Variants in NOC4L observed in about 807,000 individuals in gnomAD.
NOC4L encodes nucleolar complex associated 4 homolog.
NOC4L carries 40 observed loss-of-function variants against 62.8 expected under a neutral mutation model. The ratio of observed to expected loss-of-function variants is 0.64; its 90% CI spans 0.49 to 0.83. NOC4L has a LOEUF of 0.83. NOC4L is among the 40% of genes least tolerant of loss of function. The pLI is 0.00. For missense variants in NOC4L, 927 were observed against 701.9 expected, an observed-to-expected ratio of 1.32 and a Z score of -3.62; for synonymous variants, 433 against 299.8, an observed-to-expected ratio of 1.44 and a Z score of -4.59.
At position 132,151,762 on chromosome 12, in the gene NOC4L, C is replaced by T; in HGVS notation, c.1259C>T (p.Pro420Leu). Residue 420 changes from proline (P) to leucine (L), a missense_variant, in exon 13 of 15, where the codon CCT becomes CTT. Physicochemically the swap from Pro to Leu is moderately conservative, Grantham distance 98. Coordinates refer to ENST00000330579, the MANE Select transcript of NOC4L (RefSeq NM_024078.3). ...GAGTTGGACGCCGACCCCTACGACC[C>T]TGGAGAGGAGGACCCAGCCCAGAGC... ...GPELDADPYDPGEEDPAQSRA... is the reference protein window; with the variant it reads ...GPELDADPYDLGEEDPAQSRA... 8 of 1,612,394 alleles carry T rather than the reference C, an allele frequency of 5.0e-6. No individual in the cohort carries two copies. Among genetic ancestry groups the T allele is most frequent in the Non-Finnish European group, 6.8e-6 (8 of 1,179,816 alleles).
At chr12:132,151,083 C>G (rs1214810412) in intron 10 of NOC4L, 42 bp downstream of exon 10, 5 of 1,562,182 alleles carry the variant, frequency 3.2e-6, no homozygotes, top group Non-Finnish European at 4.4e-6. Context: ...CCAGTCTGCC[C>G]AGCCCTGCTC....
At chr12:132,151,108 C>T in intron 10 of NOC4L, 67 bp downstream of exon 10, 13 of 1,494,726 alleles carry the variant, frequency 8.7e-6, no homozygotes, top group Non-Finnish European at 1.2e-5. Flanking sequence ...GTCCCCTTCC[C>T]ACCCTGCCCC....
At chr12:132,146,434 G>A (rs773414801) in intron 3 of NOC4L, 28 of 440,260 alleles carry the variant, frequency 6.4e-5, no homozygotes, top group Non-Finnish European at 1.0e-4. Flanking sequence ...GAACGTTCGC[G>A]TACAAACTCT....
In NOC4L at chr12:132,150,975, C is replaced by T. The variant is rs568869266; in HGVS notation, c.902-6C>T. ...GCAGCTCCAGCCTGTGTCTGTCTGT[C>T]TGCAGGGGGGGCCCTCAGCCTCTTG... On this transcript the variant is annotated splice_region_variant and splice_polypyrimidine_tract_variant and intron_variant, in intron 9 of 14. Coordinates refer to ENST00000330579, the MANE Select transcript of NOC4L (RefSeq NM_024078.3). 1.9e-6 allele frequency: 3 copies of T among 1,603,712 alleles called. No homozygotes were observed. The highest frequency in any genetic ancestry group is 2.7e-5 in the African/African-American group (2 of 74,880).
At position 132,147,681 on chromosome 12, in the gene NOC4L, C is replaced by T. The variant is rs748054380; in HGVS notation, c.502C>T (p.Leu168=). ...LSPEEDQSLL[L]SQFREYLDYD... ...TCCTGAGGAGGACCAGAGCCTGCTC[C>T]TGTCCCAGTTCCGGGAGTACCTGGA... The change falls in exon 5 of 15, where the codon CTG becomes TTG. Residue 168 remains leucine, a synonymous_variant. Coordinates refer to ENST00000330579, the MANE Select transcript of NOC4L (RefSeq NM_024078.3). 11 of 1,612,820 alleles carry T rather than the reference C, an allele frequency of 6.8e-6. No homozygotes were observed. The highest frequency in any genetic ancestry group is 8.5e-6 in the Non-Finnish European group (10 of 1,179,954).
Position 132,147,382 on chromosome 12 carries a change from C to T in NOC4L, c.447C>T (p.Leu149=), listed in dbSNP as rs761502772. ...WEGNYLFPRE[L]FKLVVGGLLS... ...GCAACTACCTGTTCCCCCGAGAGCT[C>T]TTCAAGGTGAGGGCCTTGCTGGGGA... The change falls in exon 4 of 15, where the codon CTC becomes CTT. Residue 149 remains leucine (L), a synonymous_variant. Transcript: ENST00000330579. 7.6e-6 allele frequency: 12 copies of T among 1,588,242 alleles called. No individual in the cohort carries two copies. The highest frequency in any genetic ancestry group is 9.4e-6 in the Non-Finnish European group (11 of 1,166,638).
intron 10 of NOC4L, 69 bp downstream of exon 10, chr12:132,151,110 C>T (rs1897921671): frequency 2.7e-6 from 4 of 1,497,136 alleles, no homozygotes; most frequent in Admixed American, 1.7e-5. Flanking sequence ...CCCCTTCCCA[C>T]CCTGCCCCAC....
At chr12:132,148,956 C>CG in intron 9 of NOC4L, 61 bp downstream of exon 9, 1 of 324,890 alleles carries the variant, frequency 3.1e-6, no homozygotes, top group African/African-American at 3.6e-5. Flanking sequence ...GCCGCCGCCT[C>CG]ACTCCTACCA....
chr12:132,147,805 C>T (rs2136689567), intron 5 of NOC4L, 23 bp downstream of exon 5: 7 of 1,611,610 alleles, frequency 4.3e-6, no homozygotes, highest in South Asian at 3.3e-5. Context: ...GTCCTGTCGC[C>T]AGCATCATGC....
intron 11 of NOC4L, 32 bp from the exon 12 acceptor site, chr12:132,151,452 G>T (rs200991232): frequency 6.1e-5 from 97 of 1,599,704 alleles, no homozygotes; most frequent in Non-Finnish European, 7.8e-5. Flanking sequence ...CTAGCAGTCC[G>T]GGCCCTGTCT....
rs145276756 is a variant in NOC4L, at chr12:132,148,819, T to A, written c.825T>A (p.Ile275=). 1.9e-6 allele frequency: 3 copies of A among 1,603,466 alleles called. No individual in the cohort carries two copies. The highest frequency in any genetic ancestry group is 4.5e-5 in the East Asian group (2 of 44,660). The stretch of plus-strand genomic sequence containing the variant: ...GCCTCTACAAGAAGGTGCTGCTGAT[T>A]GTGCATGACGCCATCCTGCCGCAGC... ...PLSLYKKVLL[I]VHDAILPQLA... The change falls in exon 9 of 15, where the codon ATT becomes ATA. Residue 275 remains isoleucine (I), a synonymous_variant. Coordinates refer to ENST00000330579, the MANE Select transcript of NOC4L (RefSeq NM_024078.3).
At chr12:132,148,735 C>CCCGGGGGGGGGGGGGG in intron 8 of NOC4L, 49 bp from the exon 9 acceptor site, 1 of 1,309,288 alleles carries the variant, frequency 7.6e-7, no homozygotes, top group Non-Finnish European at 1.0e-6. Flanking sequence ...CCCGACCCGC[C>CCCGGGGGGGGGGGGGG]GGCCCCCGCC....
chr12:132,148,521 C>T, intron 7 of NOC4L, 88 bp from the exon 8 acceptor site: 1 of 1,430,272 alleles, frequency 7.0e-7, no homozygotes, highest in Non-Finnish European at 9.6e-7. Context: ...TGTGTTGGCT[C>T]AGGCTGGGCT....
At chr12:132,147,509 G>T in intron 4 of NOC4L, 121 bp downstream of exon 4, 7 of 1,452,522 alleles carry the variant, frequency 4.8e-6, no homozygotes, top group Non-Finnish European at 5.6e-6. Context: ...CACTCCTGTG[G>T]CTCCTGTGGC....
At chr12:132,150,586 A>ACCC in intron 9 of NOC4L, among the ~76,000 whole-genome samples, 1 of 756 alleles carries the variant, frequency 1.3e-3, no homozygotes, top group African/African-American at 7.4e-3. Context: ...CCTCGCTCAT[A>ACCC]CCACACCCCT....
In NOC4L at chr12:132,151,341, A is replaced by G; in HGVS notation, c.1046A>G (p.His349Arg). Reference sequence around the variant, plus strand: ...GTCAAGTACCGCGCCCGCTTCTTCCACCTGGCTGACCTCTTCCTGTCCTCC... The same window carrying G: ...GTCAAGTACCGCGCCCGCTTCTTCCGCCTGGCTGACCTCTTCCTGTCCTCC... The part of the protein sequence containing the change: ...FHVKYRARFF[H>R]LADLFLSSSH... Residue 349 changes from histidine (H) to arginine (R), a missense_variant, in exon 11 of 15, where the codon CAC becomes CGC. Physicochemically the swap from His to Arg is conservative, Grantham distance 29. Coordinates refer to ENST00000330579, the MANE Select transcript of NOC4L (RefSeq NM_024078.3). The G allele has an allele frequency of 1.9e-6, 3 of 1,610,768 alleles. No homozygotes were observed. The highest frequency in any genetic ancestry group is 2.2e-5 in the South Asian group (2 of 91,060).
chr12:132,151,911 C>A, intron 13 of NOC4L, 91 bp downstream of exon 13: 1 of 1,372,312 alleles, frequency 7.3e-7, no homozygotes, highest in African/African-American at 1.4e-5. Context: ...CCCGCATAGC[C>A]TCATGTTGCG....
chr12:132,146,113 C>T (rs948482509), intron 3 of NOC4L: 11 of 394,796 alleles, frequency 2.8e-5, no homozygotes, highest in African/African-American at 1.4e-4. Flanking sequence ...ACATCTTTAT[C>T]GCCCCGAAAA....
At chr12:132,146,191 C>T (rs1368352462) in intron 3 of NOC4L, 4 of 452,214 alleles carry the variant, frequency 8.8e-6, no homozygotes, top group Non-Finnish European at 8.9e-6. Flanking sequence ...CAGGCAGCCA[C>T]TCCTGGATCA....
Sources: gnomAD v4.1 joint callset for allele counts (sites outside exome capture counted in the v4.1 genomes callset) on GRCh38, gnomAD v4.1.1 for gene constraint, MANE v1.5 for transcripts, NCBI Gene and HGNC (gene_info 2026-07-23, HGNC 2026-07-21) for gene names.